Variants in PCDHGA1 observed in about 807,000 individuals in gnomAD.
PCDHGA1 encodes protocadherin gamma-A1.
In PCDHGA1, 32 loss-of-function variants were observed where a neutral mutation model predicts 58.0. That is an observed-to-expected ratio of 0.55 (90% CI 0.42 to 0.74). The LOEUF is 0.74. Ranked by LOEUF, PCDHGA1 falls within the 30% of genes least tolerant of loss-of-function variation. The pLI is 0.00. For synonymous variants in PCDHGA1, 498 were observed against 501.1 expected, an observed-to-expected ratio of 0.99 and a Z score of 0.08; for missense variants, 1,205 against 1,182.3, an observed-to-expected ratio of 1.02 and a Z score of -0.28.
chr5:141,478,711 T>A, intron 1 of PCDHGA1: 1 of 1,547,346 alleles, frequency 6.5e-7, no homozygotes, highest in Non-Finnish European at 8.7e-7. Flanking sequence ...CTTTGTGAGA[T>A]GGTGGCCTGC....
chr5:141,423,720 A>G, intron 1 of PCDHGA1: 1 of 957,774 alleles, frequency 1.0e-6, no homozygotes, highest in East Asian at 6.0e-5. Flanking sequence ...TTTTAAGGAG[A>G]TGTTTTTTGA....
At position 141,357,551 on chromosome 5, in the gene PCDHGA1, G is replaced by A. The variant is rs776549222; in HGVS notation, c.2421+24446G>A. 1.2e-6 allele frequency: 2 copies of A among 1,614,242 alleles called. No homozygotes were observed. Among genetic ancestry groups the A allele is most frequent in the Non-Finnish European group, 8.5e-7 (1 of 1,180,048 alleles). On this transcript the variant is annotated intron_variant, in intron 1 of 3. Transcript: ENST00000517417. ...GCAGACACGCTCATCAGCCGGGAGA[G>A]TTGTGAGAAAAGCGAGCCTCTTCTG...
At chr5:141,420,175 T>C (rs901184536) in intron 1 of PCDHGA1, 6 of 1,614,004 alleles carry the variant, frequency 3.7e-6, no homozygotes, top group Non-Finnish European at 5.1e-6. Context: ...CATCTGTTGA[T>C]CATTGTCCAG....
At chr5:141,400,467 ATCTGGGGCCTTATT>A in intron 1 of PCDHGA1, 1 of 1,614,042 alleles carries the variant, frequency 6.2e-7, no homozygotes, top group Non-Finnish European at 8.5e-7. Flanking sequence ...GTGGTGATTC[ATCTGGGGCCTTATT>A]TCCACTTTGT....
At chr5:141,356,062 A>C in intron 1 of PCDHGA1, 1 of 1,613,922 alleles carries the variant, frequency 6.2e-7, no homozygotes, top group Non-Finnish European at 8.5e-7. Flanking sequence ...AAGAGACAAA[A>C]TATCACAGCT....
intron 1 of PCDHGA1, chr5:141,372,871 G>A: frequency 7.4e-7 from 1 of 1,350,238 alleles, no homozygotes; most frequent in African/African-American, 1.5e-5. Context: ...TTGATTTAGA[G>A]ATAAAAAGAA....
chr5:141,497,060 G>A (rs1244885752), intron 2 of PCDHGA1, among the ~76,000 whole-genome samples: 1 of 151,952 alleles, frequency 6.6e-6, no homozygotes, highest in African/African-American at 2.4e-5. Context: ...GTGGTGGCAG[G>A]CACCTGTAAT....
intron 1 of PCDHGA1, chr5:141,492,013 T>G: frequency 1.6e-6 from 1 of 610,970 alleles, no homozygotes; most frequent in Non-Finnish European, 2.7e-6. Context: ...TCCGCGGGTG[T>G]CGGGGGTCCC....
At position 141,431,359 on chromosome 5, in the gene PCDHGA1, G is replaced by C; in HGVS notation, c.2422-63448G>C. ...CCGAATTGGTGCTGAAACGCGCCCT[G>C]GACCGCGAAGAAAAGGCTGCTCACC... On this transcript the variant is annotated intron_variant, in intron 1 of 3. Coordinates refer to ENST00000517417, the MANE Select transcript of PCDHGA1 (RefSeq NM_018912.3). This position sits in a 1 kb window ranked among gnomAD's most constrained non-coding sequence, Gnocchi z 4.8. The C allele has an allele frequency of 6.2e-7, 1 of 1,614,024 alleles. No homozygotes were observed. Among genetic ancestry groups the C allele is most frequent in the Non-Finnish European group, 8.5e-7 (1 of 1,180,030 alleles).
At chr5:141,459,263 C>T (rs2098964603) in intron 1 of PCDHGA1, among the ~76,000 whole-genome samples, 1 of 152,176 alleles carries the variant, frequency 6.6e-6, no homozygotes, top group South Asian at 2.1e-4. Flanking sequence ...ATTAGTGTTG[C>T]CTCTTTCAGA....
intron 1 of PCDHGA1, among the ~76,000 whole-genome samples, chr5:141,459,682 A>G (rs557568098): frequency 2.4e-4 from 37 of 152,358 alleles, no homozygotes; most frequent in African/African-American, 8.2e-4. Flanking sequence ...AGCAATGCAT[A>G]AAGCGTTCCG....
At chr5:141,422,171 T>C (rs1204753893) in intron 1 of PCDHGA1, 4 of 1,564,922 alleles carry the variant, frequency 2.6e-6, no homozygotes, top group Non-Finnish European at 3.4e-6. Context: ...AAATATAGAT[T>C]CTATGAGATG....
In PCDHGA1 at chr5:141,432,510, C is replaced by A; in HGVS notation, c.2422-62297C>A. 1 of 1,614,140 alleles carries A rather than the reference C, an allele frequency of 6.2e-7. No homozygotes were observed. The highest frequency in any genetic ancestry group is 8.5e-7 in the Non-Finnish European group (1 of 1,180,042). On this transcript the variant is annotated intron_variant, in intron 1 of 3. Coordinates refer to ENST00000517417, the MANE Select transcript of PCDHGA1 (RefSeq NM_018912.3). The surrounding 1 kb of genome is among the most constrained non-coding windows in gnomAD (Gnocchi z 6.0). ...GAGCTGGCTCCCCGCTCCGCAGAGCCCGGCTACCTGGTGACCAAGGTGGTG... is the reference window on the plus strand; with the variant it reads ...GAGCTGGCTCCCCGCTCCGCAGAGCACGGCTACCTGGTGACCAAGGTGGTG...
At chr5:141,372,976 A>G (rs1223476542) in intron 1 of PCDHGA1, 1 of 663,898 alleles carries the variant, frequency 1.5e-6, no homozygotes, top group Non-Finnish European at 2.5e-6. Context: ...CCTGTAGAAT[A>G]TCTGTGTTGC....
At position 141,486,243 on chromosome 5, in the gene PCDHGA1, G is replaced by A. The variant is rs754924567; in HGVS notation, c.2422-8564G>A. 18 of 1,614,156 alleles carry A rather than the reference G, an allele frequency of 1.1e-5. No individual in the cohort carries two copies. The highest frequency in any genetic ancestry group is 1.4e-5 in the Non-Finnish European group (16 of 1,180,018). ...TACATCACAGTGACCTCAGAGCTTG[G>A]AACCCTCCCCGAGAGTGCAGAACCT... On this transcript the variant is annotated intron_variant, in intron 1 of 3. Coordinates refer to ENST00000517417, the MANE Select transcript of PCDHGA1 (RefSeq NM_018912.3). This position sits in a 1 kb window ranked among gnomAD's most constrained non-coding sequence, Gnocchi z 5.0.
Position 141,372,600 on chromosome 5 carries a change from G to C in PCDHGA1, c.2421+39495G>C, listed in dbSNP as rs770114948. ...TCAGCCTGGTGTCTGCTTCAAGACT[G>C]TACCTGGAGTTCTCCCCACCTACAG... On this transcript the variant is annotated intron_variant, in intron 1 of 3. Coordinates refer to ENST00000517417, the MANE Select transcript of PCDHGA1 (RefSeq NM_018912.3). 15 of 1,613,886 alleles carry C rather than the reference G, an allele frequency of 9.3e-6. No homozygotes were observed. Among genetic ancestry groups the C allele is most frequent in the South Asian group, 2.2e-5 (2 of 91,088 alleles).
chr5:141,359,612 G>A (rs989311707), intron 1 of PCDHGA1, among the ~76,000 whole-genome samples: 1 of 151,696 alleles, frequency 6.6e-6, no homozygotes, highest in Admixed American at 6.6e-5. Context: ...TGCAGAATAT[G>A]GTATGTTGTA....
chr5:141,499,150 T>C (rs1424635509), intron 2 of PCDHGA1, among the ~76,000 whole-genome samples: 5 of 152,180 alleles, frequency 3.3e-5, no homozygotes, highest in Non-Finnish European at 1.5e-5. Context: ...CTGATCCCAA[T>C]AGCTGTTGTC....
chr5:141,422,172 C>A, intron 1 of PCDHGA1: 2 of 1,564,780 alleles, frequency 1.3e-6, no homozygotes, highest in Non-Finnish European at 1.7e-6. Context: ...AATATAGATT[C>A]TATGAGATGG....
Sources: gnomAD v4.1 joint callset for allele counts (sites outside exome capture counted in the v4.1 genomes callset) on GRCh38, gnomAD v4.1.1 for gene constraint, Gnocchi (gnomAD v3.1) non-coding constraint, MANE v1.5 for transcripts, NCBI Gene and HGNC (gene_info 2026-07-23, HGNC 2026-07-21) for gene names.